The following RBFOX1 variants were observed in gnomAD, a reference collection of about 807,000 sequenced individuals.
The protein encoded by RBFOX1 is RNA binding protein fox-1 homolog 1.
Under a neutral mutation model 57.7 loss-of-function variants are expected in RBFOX1, and 8 were observed. The ratio of observed to expected loss-of-function variants is 0.14; its 90% CI spans 0.08 to 0.25. The LOEUF is 0.25. Among genes scored for constraint, RBFOX1 ranks in the 10% least tolerant of loss-of-function variants. The pLI, the probability that RBFOX1 is intolerant of heterozygous loss-of-function variation, is 1.00. For missense variants in RBFOX1, 611 were observed against 548.5 expected, an observed-to-expected ratio of 1.11 and a Z score of -1.14; for synonymous variants, 326 against 222.4, an observed-to-expected ratio of 1.47 and a Z score of -4.15.
intron 3 of RBFOX1, among the ~76,000 whole-genome samples, chr16:6,958,915 C>T (rs1017122514): frequency 1.3e-5 from 2 of 151,898 alleles, no homozygotes; most frequent in Non-Finnish European, 2.9e-5. Flanking sequence ...AATGACAAGG[C>T]GTATTCTCCA....
intron 4 of RBFOX1, among the ~76,000 whole-genome samples, chr16:7,148,004 A>C (rs2152246496): frequency 6.6e-6 from 1 of 152,332 alleles, no homozygotes; most frequent in East Asian, 1.9e-4. Context: ...AGGTATACAA[A>C]GGTAAGAGCT....
chr16:5,640,572 C>T (rs1395819026), intron 3 of RBFOX1, among the ~76,000 whole-genome samples: 2 of 149,972 alleles, frequency 1.3e-5, no homozygotes, highest in African/African-American at 5.1e-5. Flanking sequence ...TACATATGCA[C>T]ACACATACAC....
chr16:6,702,928 C>G (rs57385786), intron 3 of RBFOX1, among the ~76,000 whole-genome samples: 2 of 152,090 alleles, frequency 1.3e-5, no homozygotes, highest in Admixed American at 6.5e-5. Flanking sequence ...TCCCCATTCT[C>G]ATGTCCTCCC....
intron 2 of RBFOX1, among the ~76,000 whole-genome samples, chr16:6,645,326 G>C (rs1222021829): frequency 6.6e-6 from 1 of 152,110 alleles, no homozygotes; most frequent in East Asian, 1.9e-4. Flanking sequence ...CTTTTGGGGG[G>C]CTGCTGTTGA....
At chr16:7,078,653 C>G (rs942970502) in intron 4 of RBFOX1, among the ~76,000 whole-genome samples, 2 of 150,818 alleles carry the variant, frequency 1.3e-5, no homozygotes, top group African/African-American at 4.9e-5. Flanking sequence ...CAGCCCGACC[C>G]TATTTTTTAT....
chr16:6,892,798 CTCTCTCTCTCTCTCTCTCT>C (rs2065823837), intron 3 of RBFOX1, among the ~76,000 whole-genome samples: 1 of 136,132 alleles, frequency 7.3e-6, no homozygotes. Context: ...CTCTCTCTCT[CTCTCTCTCTCTCTCTCTCT>C]CTCTCTCTCT....
intron 1 of RBFOX1, among the ~76,000 whole-genome samples, chr16:5,282,256 A>G (rs1203907903): frequency 6.6e-6 from 1 of 152,176 alleles, no homozygotes; most frequent in Non-Finnish European, 1.5e-5. Context: ...GCAATGTAGA[A>G]CTGTAAGTCC....
At chr16:6,585,108 T>C (rs1200939186) in intron 2 of RBFOX1, among the ~76,000 whole-genome samples, 4 of 152,068 alleles carry the variant, frequency 2.6e-5, no homozygotes, top group African/African-American at 9.7e-5. Context: ...TAATACACAA[T>C]GGTTAGCATT....
chr16:6,776,279 C>A (rs1413235942), intron 3 of RBFOX1, among the ~76,000 whole-genome samples: 1 of 151,774 alleles, frequency 6.6e-6, no homozygotes, highest in Non-Finnish European at 1.5e-5. Context: ...GGCGTGGTGG[C>A]GGGTGCCTGT....
At chr16:6,630,284 G>A (rs775398678) in intron 2 of RBFOX1, among the ~76,000 whole-genome samples, 1 of 151,966 alleles carries the variant, frequency 6.6e-6, no homozygotes, top group Non-Finnish European at 1.5e-5. Context: ...CCACACCCAA[G>A]GAATGGAAAA....
upstream of RBFOX1, among the ~76,000 whole-genome samples, chr16:6,015,102 C>T (rs1336788004): frequency 5.9e-5 from 9 of 152,152 alleles, no homozygotes. Flanking sequence ...AGCAGTCTGC[C>T]CACTTCAGCC....
At chr16:5,710,449 C>G (rs920456488) in intron 3 of RBFOX1, among the ~76,000 whole-genome samples, 1 of 152,284 alleles carries the variant, frequency 6.6e-6, no homozygotes, top group East Asian at 1.9e-4. Context: ...GGGGAAGAGA[C>G]TTTGCCGTGG....
intron 1 of RBFOX1, among the ~76,000 whole-genome samples, chr16:6,254,129 G>T (rs946261188): frequency 4.6e-5 from 7 of 152,044 alleles, no homozygotes. Context: ...GGAGGTTCGT[G>T]GGCCTGTGTG....
chr16:7,626,118 G>T (rs1370286405), intron 10 of RBFOX1, among the ~76,000 whole-genome samples: 1 of 152,244 alleles, frequency 6.6e-6, no homozygotes, highest in Non-Finnish European at 1.5e-5. Flanking sequence ...AAGATTTCCT[G>T]GAAAAAGACA....
chr16:7,034,206 T>G (rs970519489), intron 3 of RBFOX1, among the ~76,000 whole-genome samples: 1 of 152,142 alleles, frequency 6.6e-6, no homozygotes, highest in African/African-American at 2.4e-5. Context: ...TTTTCCTAAC[T>G]TGGGGCACCT....
chr16:6,662,716 G>A (rs1603237302), intron 3 of RBFOX1, among the ~76,000 whole-genome samples: 3 of 151,916 alleles, frequency 2.0e-5, no homozygotes, highest in South Asian at 2.1e-4. Context: ...TTGACCAAGA[G>A]ACCCAGAGCC....
At chr16:7,006,353 T>C (rs966847334) in intron 3 of RBFOX1, among the ~76,000 whole-genome samples, 1 of 152,074 alleles carries the variant, frequency 6.6e-6, no homozygotes, top group Non-Finnish European at 1.5e-5. Flanking sequence ...CGGGGTTTTA[T>C]CATGTTGGCC....
At chr16:6,537,995 G>C (rs2096758865) in intron 2 of RBFOX1, among the ~76,000 whole-genome samples, 2 of 151,504 alleles carry the variant, frequency 1.3e-5, no homozygotes, top group South Asian at 4.2e-4. Flanking sequence ...TTCTATCTTT[G>C]TTTATATTTC....
At chr16:6,490,511 T>G (rs1258093960) in intron 2 of RBFOX1, among the ~76,000 whole-genome samples, 2 of 152,228 alleles carry the variant, frequency 1.3e-5, no homozygotes, top group African/African-American at 4.8e-5. Flanking sequence ...CTTACCAATC[T>G]AAATTTGTAC....
Sources: gnomAD v4.1 joint callset for allele counts (sites outside exome capture counted in the v4.1 genomes callset) on GRCh38, gnomAD v4.1.1 for gene constraint, MANE v1.5 for transcripts, NCBI Gene and HGNC (gene_info 2026-07-23, HGNC 2026-07-21) for gene names.